The following MINDY3 variants were observed in gnomAD, a reference collection of about 807,000 sequenced individuals.
The protein encoded by MINDY3 is ubiquitin carboxyl-terminal hydrolase MINDY-3.
Under a neutral mutation model 69.2 loss-of-function variants are expected in MINDY3, and 38 were observed. The ratio of observed to expected loss-of-function variants is 0.55; its 90% CI spans 0.42 to 0.72. The LOEUF is 0.72. Ranked by LOEUF, MINDY3 falls within the 30% of genes least tolerant of loss-of-function variation. The pLI is 0.00. For missense variants in MINDY3, 522 were observed against 519.0 expected, an observed-to-expected ratio of 1.01 and a Z score of -0.06; for synonymous variants, 192 against 180.1, an observed-to-expected ratio of 1.07 and a Z score of -0.53.
chr10:15,816,801 C>T, intron 10 of MINDY3, 34 bp downstream of exon 10: 1 of 1,453,742 alleles, frequency 6.9e-7, no homozygotes, highest in African/African-American at 1.4e-5. Context: ...TGCCTGATGT[C>T]ATAACTTAAA....
chr10:15,830,823 G>C (rs1357603857), intron 8 of MINDY3, among the ~76,000 whole-genome samples: 1 of 152,148 alleles, frequency 6.6e-6, no homozygotes, highest in South Asian at 2.1e-4. Flanking sequence ...ATATTTTAGC[G>C]ATGCGGGCAA....
rs150084565 is a variant in MINDY3, at chr10:15,810,535, A to C, written c.882+6300T>G. 5.0e-3 allele frequency among the ~76,000 whole-genome samples: 768 copies of C among 152,286 alleles called. 3 individuals carry two copies. Among genetic ancestry groups the C allele is most frequent in the Non-Finnish European group, 7.9e-3 (540 of 68,016 alleles). On this transcript the variant is annotated intron_variant, in intron 10 of 14. Coordinates refer to ENST00000277632, the MANE Select transcript of MINDY3 (RefSeq NM_024948.4). The stretch of plus-strand genomic sequence containing the variant: ...GATAGAGATCTATTGAATTCTGATG[A>C]TCCAAGACTATTCAGCCATCTTAAG...
chr10:15,826,383 G>A (rs1840086055), intron 8 of MINDY3, among the ~76,000 whole-genome samples: 1 of 152,044 alleles, frequency 6.6e-6, no homozygotes, highest in South Asian at 2.1e-4. Context: ...TCAAAAACTG[G>A]GGTAGAATCA....
intron 8 of MINDY3, among the ~76,000 whole-genome samples, chr10:15,824,634 C>T (rs576876975): frequency 6.6e-6 from 1 of 152,200 alleles, no homozygotes; most frequent in South Asian, 2.1e-4. Context: ...GTAAGCAACA[C>T]TAAATGTTTT....
intron 10 of MINDY3, among the ~76,000 whole-genome samples, chr10:15,815,632 A>C (rs900256056): frequency 6.6e-6 from 1 of 152,210 alleles, no homozygotes; most frequent in Non-Finnish European, 1.5e-5. Flanking sequence ...ATGATCCCAG[A>C]GATGTTTAAC....
At chr10:15,791,581 G>A (rs1837418147) in intron 11 of MINDY3, among the ~76,000 whole-genome samples, 1 of 151,838 alleles carries the variant, frequency 6.6e-6, no homozygotes, top group Non-Finnish European at 1.5e-5. Context: ...GATGGGAAAC[G>A]GCTAGCATGT....
intron 8 of MINDY3, among the ~76,000 whole-genome samples, chr10:15,832,104 AC>A (rs1840507769): frequency 6.6e-6 from 1 of 152,104 alleles, no homozygotes; most frequent in South Asian, 2.1e-4. Flanking sequence ...TGGTTTGGGG[AC>A]TAGGGTAAGC....
intron 1 of MINDY3, among the ~76,000 whole-genome samples, chr10:15,855,581 T>C (rs1202957370): frequency 6.6e-6 from 1 of 152,146 alleles, no homozygotes; most frequent in African/African-American, 2.4e-5. Context: ...TCACATTTTA[T>C]AGCTCAGAAC....
intron 6 of MINDY3, among the ~76,000 whole-genome samples, chr10:15,836,570 C>A (rs1833098698): frequency 2.0e-5 from 3 of 151,736 alleles, no homozygotes; most frequent in Non-Finnish European, 4.4e-5. Flanking sequence ...TCAACTGAGA[C>A]TAACACGTTA....
At chr10:15,804,761 A>C (rs1020778673) in intron 10 of MINDY3, among the ~76,000 whole-genome samples, 4 of 152,178 alleles carry the variant, frequency 2.6e-5, no homozygotes, top group Admixed American at 6.6e-5. Flanking sequence ...ATAGATTTTA[A>C]GTCAATTACA....
intron 1 of MINDY3, among the ~76,000 whole-genome samples, chr10:15,857,494 G>T (rs1834770621): frequency 6.6e-6 from 1 of 152,142 alleles, no homozygotes; most frequent in Non-Finnish European, 1.5e-5. Context: ...GGGAAGGGGG[G>T]AGGATAAATA....
chr10:15,826,902 C>G (rs1037115405), intron 8 of MINDY3, among the ~76,000 whole-genome samples: 1 of 151,684 alleles, frequency 6.6e-6, no homozygotes, highest in African/African-American at 2.4e-5. Flanking sequence ...GACTAAAGAG[C>G]CAAACATTAA....
chr10:15,785,342 A>G (rs1022515812), intron 13 of MINDY3, among the ~76,000 whole-genome samples: 5 of 152,138 alleles, frequency 3.3e-5, no homozygotes, highest in African/African-American at 1.2e-4. Context: ...CTTTTTACCT[A>G]AAAAATTACT....
chr10:15,786,493 T>C (rs1836973620), intron 13 of MINDY3, 68 bp downstream of exon 13: 1 of 968,888 alleles, frequency 1.0e-6, no homozygotes, highest in Non-Finnish European at 1.6e-6. Flanking sequence ...AAAGAGAAAA[T>C]GCTGCAAACA....
chr10:15,824,826 T>C (rs1839984066), intron 8 of MINDY3, among the ~76,000 whole-genome samples: 1 of 152,196 alleles, frequency 6.6e-6, no homozygotes, highest in Admixed American at 6.5e-5. Flanking sequence ...AATTCTTGGG[T>C]AATGAACTAT....
intron 1 of MINDY3, among the ~76,000 whole-genome samples, chr10:15,849,804 A>G (rs1016844412): frequency 6.6e-6 from 1 of 152,138 alleles, no homozygotes; most frequent in African/African-American, 2.4e-5. Flanking sequence ...ATAAAACAAA[A>G]CAAAACCTTA....
intron 10 of MINDY3, among the ~76,000 whole-genome samples, chr10:15,815,929 T>C (rs1839326329): frequency 6.6e-6 from 1 of 152,152 alleles, no homozygotes; most frequent in South Asian, 2.1e-4. Context: ...AGATTATAGT[T>C]GAGATTTAAA....
At chr10:15,798,873 C>T (rs1326567636) in intron 10 of MINDY3, among the ~76,000 whole-genome samples, 1 of 151,958 alleles carries the variant, frequency 6.6e-6, no homozygotes, top group Non-Finnish European at 1.5e-5. Flanking sequence ...CTCTTTCTTG[C>T]CTGTGGTTCT....
At chr10:15,831,120 A>C (rs1840428162) in intron 8 of MINDY3, among the ~76,000 whole-genome samples, 1 of 152,170 alleles carries the variant, frequency 6.6e-6, no homozygotes, top group African/African-American at 2.4e-5. Flanking sequence ...TAAAGAGGAG[A>C]AGGGATTTGA....
Sources: gnomAD v4.1 joint callset for allele counts (sites outside exome capture counted in the v4.1 genomes callset) on GRCh38, gnomAD v4.1.1 for gene constraint, MANE v1.5 for transcripts, NCBI Gene and HGNC (gene_info 2026-07-23, HGNC 2026-07-21) for gene names.